HELQ: variants seen among roughly 807,000 people sequenced by gnomAD.
HELQ encodes helicase, POLQ like, also known as helicase POLQ-like.
In HELQ, 77 loss-of-function variants were observed where a neutral mutation model predicts 111.6. The observed-to-expected ratio is 0.69, with a 90% CI of 0.57 to 0.83. The LOEUF (loss-of-function observed/expected upper bound fraction) is 0.83, where lower values mean the gene tolerates loss of function less well. HELQ is among the 40% of genes least tolerant of loss of function. The pLI, the probability that HELQ is intolerant of heterozygous loss-of-function variation, is 0.00. For synonymous variants in HELQ, 438 were observed against 454.7 expected, an observed-to-expected ratio of 0.96 and a Z score of 0.47; for missense variants, 1,200 against 1,288.5, an observed-to-expected ratio of 0.93 and a Z score of 1.05.
At chr4:83,454,190 G>A (rs1376634353) in intron 1 of HELQ, among the ~76,000 whole-genome samples, 1 of 152,084 alleles carries the variant, frequency 6.6e-6, no homozygotes, top group Non-Finnish European at 1.5e-5. Flanking sequence ...GCAACAGAGT[G>A]GGACTCTGTC....
intron 7 of HELQ, 126 bp from the exon 8 acceptor site, chr4:83,440,134 G>A: frequency 1.5e-6 from 1 of 647,726 alleles, no homozygotes; most frequent in Non-Finnish European, 2.6e-6. Context: ...TAATAAATCT[G>A]ATCATTTAAA....
chr4:83,430,154 A>AT (rs1441881891), intron 11 of HELQ, among the ~76,000 whole-genome samples: 3 of 150,374 alleles, frequency 2.0e-5, no homozygotes, highest in African/African-American at 2.5e-5. Flanking sequence ...TAAAAGTTGC[A>AT]TTAAAAAAAA....
chr4:83,418,708 A>G (rs957931484), intron 15 of HELQ, among the ~76,000 whole-genome samples: 1 of 152,236 alleles, frequency 6.6e-6, no homozygotes, highest in Non-Finnish European at 1.5e-5. Flanking sequence ...GCAATATTCT[A>G]TTATAGTAGT....
intron 17 of HELQ, among the ~76,000 whole-genome samples, chr4:83,415,008 T>A (rs572940547): frequency 6.6e-6 from 1 of 152,240 alleles, no homozygotes; most frequent in African/African-American, 2.4e-5. Flanking sequence ...AAAGAACAAT[T>A]AAGGTAATGT....
chr4:83,432,074 C>G, intron 10 of HELQ, 52 bp downstream of exon 10: 3 of 1,283,914 alleles, frequency 2.3e-6, no homozygotes, highest in Non-Finnish European at 3.2e-6. Context: ...AAGGGCTAGA[C>G]CAACAACCAA....
At chr4:83,412,617 G>A (rs779786502) in intron 17 of HELQ, among the ~76,000 whole-genome samples, 2 of 152,134 alleles carry the variant, frequency 1.3e-5, no homozygotes, top group South Asian at 4.1e-4. Context: ...CTTGAGGCCC[G>A]GAGTTCAAGA....
chr4:83,429,483 A>G (rs772624401), intron 12 of HELQ, 41 bp downstream of exon 12: 9 of 1,344,784 alleles, frequency 6.7e-6, no homozygotes, highest in Non-Finnish European at 8.4e-6. Context: ...ATTTTTTCCA[A>G]TGTGTTTCCT....
In HELQ at chr4:83,446,092, A is replaced by T; in HGVS notation, c.1393-6T>A. On this transcript the variant is annotated splice_polypyrimidine_tract_variant and splice_region_variant and intron_variant, in intron 4 of 17. Transcript: ENST00000295488. ...CCTTCACCAATCATGTGCAACTTCG[A>T]GATTTTTTTTAAAAAGGACAGAGAA... The T allele has an allele frequency of 1.9e-6, 3 of 1,609,212 alleles. No individual in the cohort carries two copies.
chr4:83,451,099 CAT>C (rs2110014342), intron 2 of HELQ, among the ~76,000 whole-genome samples: 1 of 152,258 alleles, frequency 6.6e-6, no homozygotes, highest in African/African-American at 2.4e-5. Flanking sequence ...TTAATCTGGT[CAT>C]GTTATTAAGC....
At chr4:83,417,287 G>C (rs1739414725) in intron 16 of HELQ, among the ~76,000 whole-genome samples, 2 of 150,640 alleles carry the variant, frequency 1.3e-5, no homozygotes, top group Non-Finnish European at 2.9e-5. Flanking sequence ...ATGGCAACCT[G>C]CACCACTCAC....
chr4:83,433,102 A>T (rs749484911), intron 9 of HELQ, among the ~76,000 whole-genome samples: 59 of 152,228 alleles, frequency 3.9e-4, no homozygotes, highest in African/African-American at 1.2e-3. Flanking sequence ...TATATACAGA[A>T]GTCTATAGTC....
chr4:83,435,637 A>C (rs76080392), intron 9 of HELQ, among the ~76,000 whole-genome samples: 1,669 of 152,228 alleles, frequency 0.011, 27 homozygotes, highest in African/African-American at 0.038. Flanking sequence ...AGCAAAAAAG[A>C]AGTATGATTT....
At chr4:83,426,461 GA>G (rs528899025) in intron 13 of HELQ, among the ~76,000 whole-genome samples, 3 of 142,534 alleles carry the variant, frequency 2.1e-5, no homozygotes, top group East Asian at 4.1e-4. Flanking sequence ...ATGGAGAAAA[GA>G]AAAAAAAACA....
At chr4:83,445,167 G>T (rs936886183) in intron 5 of HELQ, among the ~76,000 whole-genome samples, 1 of 152,206 alleles carries the variant, frequency 6.6e-6, no homozygotes, top group Non-Finnish European at 1.5e-5. Flanking sequence ...GGCTTTGAAG[G>T]AAATGAGTTT....
chr4:83,421,030 C>T (rs528381186), intron 15 of HELQ, among the ~76,000 whole-genome samples: 41 of 152,262 alleles, frequency 2.7e-4, no homozygotes, highest in Non-Finnish European at 4.7e-4. Context: ...CAGCTGATCT[C>T]GAACTCCTGG....
At position 83,452,242 on chromosome 4, in the gene HELQ, AT is replaced by A. The variant is rs911609118; in HGVS notation, c.1012+988del. Among the ~76,000 whole-genome samples the A allele has an allele frequency of 2.0e-3, 292 of 148,118 alleles. 2 individuals are homozygous for A. Among genetic ancestry groups the A allele is most frequent in the Middle Eastern group, 6.9e-3 (2 of 290 alleles). On this transcript the variant is annotated intron_variant, in intron 2 of 17. Coordinates refer to ENST00000295488, the MANE Select transcript of HELQ (RefSeq NM_133636.5). ...GTAAACTTTCTTAAAACATTATGAG[AT>A]TTTTTTTTTTGCAATTTTTTTTCTT...
chr4:83,454,017 A>T, intron 1 of HELQ, 72 bp from the exon 2 acceptor site: 1 of 892,752 alleles, frequency 1.1e-6, no homozygotes, highest in Non-Finnish European at 1.8e-6. Flanking sequence ...CAGCCTGGCC[A>T]ACATGGTCAA....
At chr4:83,416,675 C>A in intron 17 of HELQ, 56 bp downstream of exon 17, 1 of 1,554,706 alleles carries the variant, frequency 6.4e-7, no homozygotes, top group Non-Finnish European at 8.8e-7. Flanking sequence ...GTCTATAATA[C>A]AAGGAAATAA....
At chr4:83,412,091 A>C (rs1739135527) in intron 17 of HELQ, among the ~76,000 whole-genome samples, 1 of 152,226 alleles carries the variant, frequency 6.6e-6, no homozygotes, top group Admixed American at 6.5e-5. Context: ...ATTCCCAGAG[A>C]GAAGAACTGG....
Sources: allele counts gnomAD v4.1 joint callset (sites outside exome capture counted in the v4.1 genomes callset), GRCh38; gene constraint gnomAD v4.1.1; transcripts MANE v1.5; gene names NCBI Gene and HGNC (gene_info 2026-07-23, HGNC 2026-07-21).